The following LAMA2 variants were observed in gnomAD, a reference collection of about 807,000 sequenced individuals.
LAMA2 encodes the protein laminin subunit alpha 2.
Under a neutral mutation model 364.8 loss-of-function variants are expected in LAMA2, and 269 were observed. The ratio of observed to expected loss-of-function variants is 0.74; its 90% CI spans 0.67 to 0.82. The LOEUF (loss-of-function observed/expected upper bound fraction) is 0.82. LAMA2 is among the 40% of genes least tolerant of loss of function. The pLI is 0.00. For missense variants in LAMA2, 3,807 were observed against 3,873.2 expected (o/e 0.98, Z 0.45); for synonymous variants, 1,379 against 1,370.6 (o/e 1.01, Z -0.14).
At position 129,431,394 on chromosome 6, in the gene LAMA2, A is replaced by G. The variant is rs148661169; in HGVS notation, c.5968+3540A>G. Among the ~76,000 whole-genome samples the G allele has an allele frequency of 6.0e-3, 890 of 149,498 alleles. 7 individuals are homozygous for G. The highest frequency in any genetic ancestry group is 0.02 in the African/African-American group (793 of 40,660). On this transcript the variant is annotated intron_variant, in intron 41 of 64. Transcript: ENST00000421865. ...AGCCTGGGCAACAGAGTGAGACTCTATCTAAAAAAAAAAAAAAAAAACTAG... is the reference window on the plus strand; with the variant it reads ...AGCCTGGGCAACAGAGTGAGACTCTGTCTAAAAAAAAAAAAAAAAAACTAG...
rs1344714268 is a variant in LAMA2 at position 129,507,607 on chromosome 6, G to C, written c.8822G>C (p.Gly2941Ala). Reference sequence around the variant, plus strand: ...ACATGTTTTGCAAATGCTCAGAGGGGAACATATTTTGACGGAACCGGTTTT... The same window carrying C: ...ACATGTTTTGCAAATGCTCAGAGGGCAACATATTTTGACGGAACCGGTTTT... ...VGTCFANAQR[G>A]TYFDGTGFAK... The change falls in exon 62 of 65, where the codon GGA (glycine) becomes GCA (alanine). Residue 2941 changes from glycine to alanine, a missense_variant. By Grantham distance (60) the Gly-to-Ala change is moderately conservative. Around this residue, in one of 3 missense-constraint regions of LAMA2, gnomAD observed 3,333 missense variants for 3,345.7 expected, o/e 1.00. Coordinates refer to ENST00000421865, the MANE Select transcript of LAMA2 (RefSeq NM_000426.4). The C allele has an allele frequency of 1.2e-6, 2 of 1,614,044 alleles. No homozygotes were observed. Among genetic ancestry groups the C allele is most frequent in the African/African-American group, 1.3e-5 (1 of 74,936 alleles).
intron 1 of LAMA2, among the ~76,000 whole-genome samples, chr6:128,939,258 G>A (rs1164939315): frequency 2.6e-5 from 4 of 151,358 alleles, no homozygotes; most frequent in African/African-American, 4.9e-5. Flanking sequence ...ATAATTTTTT[G>A]TTCTTGTGTC....
chr6:129,169,839 A>T (rs2115000848), intron 9 of LAMA2, among the ~76,000 whole-genome samples: 1 of 143,554 alleles, frequency 7.0e-6, no homozygotes, highest in Middle Eastern at 3.5e-3. Flanking sequence ...ACAATTTCAG[A>T]TCCTGTTATT....
intron 40 of LAMA2, among the ~76,000 whole-genome samples, chr6:129,424,958 A>T (rs4265052): frequency 6.6e-6 from 1 of 152,160 alleles, no homozygotes; most frequent in East Asian, 1.9e-4. Context: ...AGGATCAAAT[A>T]TGGATACACA....
chr6:129,503,039 C>G, intron 59 of LAMA2, 52 bp from the exon 60 acceptor site: 1 of 1,506,798 alleles, frequency 6.6e-7, no homozygotes, highest in Non-Finnish European at 9.2e-7. Flanking sequence ...TCTATTTTAG[C>G]ATGAGAATGC....
intron 9 of LAMA2, among the ~76,000 whole-genome samples, chr6:129,171,211 G>T (rs1317425924): frequency 7.2e-5 from 11 of 152,252 alleles, no homozygotes; most frequent in African/African-American, 2.4e-4. Flanking sequence ...ATTTGATCCT[G>T]TCATGATGAT....
At chr6:129,450,362 C>T (rs1022678187) in intron 45 of LAMA2, among the ~76,000 whole-genome samples, 1 of 151,776 alleles carries the variant, frequency 6.6e-6, no homozygotes, top group Non-Finnish European at 1.5e-5. Context: ...CTTTGTCACC[C>T]AGGCTGGAGT....
intron 2 of LAMA2, among the ~76,000 whole-genome samples, chr6:129,059,205 G>C (rs1378812297): frequency 6.6e-6 from 1 of 152,112 alleles, no homozygotes; most frequent in Non-Finnish European, 1.5e-5. Flanking sequence ...CAGCATACCA[G>C]CATGCTATAT....
At chr6:129,420,015 T>A (rs987679461) in intron 40 of LAMA2, among the ~76,000 whole-genome samples, 11 of 152,108 alleles carry the variant, frequency 7.2e-5, no homozygotes, top group African/African-American at 2.4e-4. Flanking sequence ...TAAAAGCAGC[T>A]TATGTCTATT....
At chr6:129,093,143 C>T (rs867037823) in intron 3 of LAMA2, among the ~76,000 whole-genome samples, 5 of 151,268 alleles carry the variant, frequency 3.3e-5, no homozygotes, top group East Asian at 1.9e-4. Context: ...CCACCACCCC[C>T]GACTAATTTT....
At chr6:128,994,149 G>T (rs1783777857) in intron 1 of LAMA2, among the ~76,000 whole-genome samples, 2 of 152,208 alleles carry the variant, frequency 1.3e-5, no homozygotes, top group Non-Finnish European at 2.9e-5. Context: ...AATCTTTGCG[G>T]AATTATTACA....
chr6:129,387,091 G>A (rs757710718), intron 35 of LAMA2, among the ~76,000 whole-genome samples: 21 of 150,676 alleles, frequency 1.4e-4, no homozygotes, highest in Non-Finnish European at 2.9e-4. Flanking sequence ...GCACAGTGAT[G>A]TCCTATAGAA....
intron 1 of LAMA2, among the ~76,000 whole-genome samples, chr6:128,990,173 G>C (rs1032446390): frequency 7.9e-5 from 12 of 152,156 alleles, no homozygotes; most frequent in Non-Finnish European, 2.9e-5. Flanking sequence ...ATTAGATTCT[G>C]TTGTATACAC....
At chr6:129,055,337 G>A (rs923358497) in intron 2 of LAMA2, among the ~76,000 whole-genome samples, 7 of 151,916 alleles carry the variant, frequency 4.6e-5, no homozygotes, top group East Asian at 1.9e-4. Context: ...GACTACACGC[G>A]TGTGCCACTG....
At chr6:128,946,254 G>A (rs755224062) in intron 1 of LAMA2, among the ~76,000 whole-genome samples, 15 of 152,258 alleles carry the variant, frequency 9.9e-5, no homozygotes, top group African/African-American at 2.4e-4. Context: ...ATCTTAAACC[G>A]AATTGCATTT....
intron 3 of LAMA2, among the ~76,000 whole-genome samples, chr6:129,066,038 G>GTTTTGTTTTTTTTTTTTTTT (rs1789281964): frequency 2.7e-5 from 1 of 37,116 alleles, no homozygotes; most frequent in African/African-American, 8.6e-5. Context: ...CCAGTCTCAG[G>GTTTTGTTTTTTTTTTTTTTT]TTTTTTTTTT....
intron 1 of LAMA2, among the ~76,000 whole-genome samples, chr6:128,909,362 G>T (rs1423687805): frequency 6.6e-6 from 1 of 151,856 alleles, no homozygotes; most frequent in Admixed American, 6.6e-5. Flanking sequence ...AGCTCTTCTT[G>T]TTGAATTGAT....
At chr6:129,492,973 G>A (rs1053862724) in intron 58 of LAMA2, among the ~76,000 whole-genome samples, 3 of 152,072 alleles carry the variant, frequency 2.0e-5, no homozygotes, top group South Asian at 2.1e-4. Context: ...GGGCAACCAC[G>A]GTGAAACCCC....
intron 1 of LAMA2, among the ~76,000 whole-genome samples, chr6:128,889,382 A>G (rs1405638094): frequency 6.6e-6 from 1 of 152,120 alleles, no homozygotes; most frequent in Non-Finnish European, 1.5e-5. Context: ...ACATTCAGAA[A>G]CTTATTCTAT....
Sources: gnomAD v4.1 joint callset for allele counts (sites outside exome capture counted in the v4.1 genomes callset) on GRCh38, gnomAD v4.1.1 for gene constraint, gnomAD v4.1.1 regional missense constraint, MANE v1.5 for transcripts, NCBI Gene and HGNC (gene_info 2026-07-23, HGNC 2026-07-21) for gene names.